ST8SIA1: variants seen among roughly 807,000 people sequenced by gnomAD.
ST8SIA1 encodes alpha-N-acetylneuraminide alpha-2,8-sialyltransferase.
In ST8SIA1, 16 loss-of-function variants were observed where a neutral mutation model predicts 35.9. That is an observed-to-expected ratio of 0.45 (90% confidence interval 0.30 to 0.68). The LOEUF is 0.68. ST8SIA1 is among the 30% of genes least tolerant of loss of function. The pLI, the probability that ST8SIA1 is intolerant of heterozygous loss-of-function variation, is 0.09. For synonymous variants in ST8SIA1, 170 were observed against 169.6 expected (o/e 1.00, Z -0.02); for missense variants, 383 against 453.6 (o/e 0.84, Z 1.41).
rs73270012 is a variant in ST8SIA1, at chr12:22,246,761, G to C, written c.584+2245C>G. Reference sequence around the variant, plus strand: ...TATTAGCAGCTGTGTGCATGAGCAGGTTCCTAGATTCACCACATCACAGGT... The same window carrying C: ...TATTAGCAGCTGTGTGCATGAGCAGCTTCCTAGATTCACCACATCACAGGT... On this transcript the variant is annotated intron_variant, in intron 4 of 4. Transcript: ENST00000396037. 2.3e-3 allele frequency among the ~76,000 whole-genome samples: 343 copies of C among 152,256 alleles called. 1 individual carries two copies. The highest frequency in any genetic ancestry group is 7.3e-3 in the African/African-American group (304 of 41,548).
intron 4 of ST8SIA1, among the ~76,000 whole-genome samples, chr12:22,210,780 A>G (rs191560581): frequency 1.3e-5 from 2 of 152,230 alleles, no homozygotes; most frequent in African/African-American, 4.8e-5. Context: ...CACATATTTT[A>G]GGTTCAGCCT....
At chr12:22,331,126 C>A (rs1364574284) in intron 1 of ST8SIA1, among the ~76,000 whole-genome samples, 2 of 152,128 alleles carry the variant, frequency 1.3e-5, no homozygotes, top group Non-Finnish European at 2.9e-5. Flanking sequence ...AAGAAAATTA[C>A]AAAAGTAAAT....
intron 4 of ST8SIA1, among the ~76,000 whole-genome samples, chr12:22,235,865 C>T (rs1218471308): frequency 2.7e-5 from 4 of 150,378 alleles, no homozygotes; most frequent in African/African-American, 7.3e-5. Context: ...CATGTTGATC[C>T]CAAATGAATG....
chr12:22,293,915 A>G (rs1355193888), intron 1 of ST8SIA1, among the ~76,000 whole-genome samples: 1 of 152,186 alleles, frequency 6.6e-6, no homozygotes, highest in Non-Finnish European at 1.5e-5. Context: ...AAATCAGAGA[A>G]GTTTCTTATT....
At chr12:22,329,035 G>C (rs1866721774) in intron 1 of ST8SIA1, among the ~76,000 whole-genome samples, 1 of 152,202 alleles carries the variant, frequency 6.6e-6, no homozygotes, top group African/African-American at 2.4e-5. Context: ...AGTCATTCCA[G>C]GTGGAGTGGG....
At chr12:22,330,696 A>G (rs2135849355) in intron 1 of ST8SIA1, among the ~76,000 whole-genome samples, 1 of 152,358 alleles carries the variant, frequency 6.6e-6, no homozygotes, top group African/African-American at 2.4e-5. Context: ...ATTAAATGAG[A>G]CAATACATAC....
chr12:22,238,825 T>A (rs1865505689), intron 4 of ST8SIA1, among the ~76,000 whole-genome samples: 1 of 152,230 alleles, frequency 6.6e-6, no homozygotes, highest in African/African-American at 2.4e-5. Flanking sequence ...GTTTAGCAAT[T>A]CATTTGCATC....
chr12:22,258,421 T>C (rs936483591), intron 2 of ST8SIA1, among the ~76,000 whole-genome samples: 1 of 151,428 alleles, frequency 6.6e-6, no homozygotes, highest in Non-Finnish European at 1.5e-5. Context: ...GTCAGGAGAC[T>C]GGATGGTGAA....
chr12:22,195,885 T>C lies in ST8SIA1; in HGVS notation c.*5667A>G, dbSNP rs1223090166. ...TCTTTGCCTTGGATTATATCACATC[T>C]CTTAGATGTTTATTGGTGTTGTGTG... On this transcript the variant is annotated 3_prime_UTR_variant, in exon 5 of 5. Coordinates refer to ENST00000396037, the MANE Select transcript of ST8SIA1 (RefSeq NM_003034.4). The C allele has an allele frequency of 2.6e-5, 4 of 152,234 alleles. No homozygotes were observed. The highest frequency in any genetic ancestry group is 1.9e-4 in the East Asian group (1 of 5,198). 9.4% of individuals were successfully genotyped at this position (152,234 alleles called of 1,614,324 possible). A position where few individuals can be genotyped will look rare whatever the true frequency, so the allele number is the denominator to read the frequency against.
chr12:22,303,049 C>T (rs549099053), intron 1 of ST8SIA1, among the ~76,000 whole-genome samples: 10 of 152,284 alleles, frequency 6.6e-5, no homozygotes, highest in Non-Finnish European at 1.2e-4. Flanking sequence ...CATGGACACA[C>T]GTGCTCAACT....
chr12:22,198,579 C>A lies in ST8SIA1; in HGVS notation c.*2973G>T, dbSNP rs1159907421. 6.9e-6 allele frequency: 1 copy of A among 145,308 alleles called. No homozygotes were observed. Among genetic ancestry groups the A allele is most frequent in the Non-Finnish European group, 1.5e-5 (1 of 65,636 alleles). The allele number at this position is 145,308 out of a possible 1,614,324, so 9.0% of individuals were successfully genotyped here. A position where few individuals can be genotyped will look rare whatever the true frequency, so the allele number is the denominator to read the frequency against. On this transcript the variant is annotated 3_prime_UTR_variant, in exon 5 of 5. Coordinates refer to ENST00000396037, the MANE Select transcript of ST8SIA1 (RefSeq NM_003034.4). Reference sequence around the variant, plus strand: ...CACACACACACACACTCCTATCTAACCAATTATGTCCAAAAGGCATATGTA... The same window carrying A: ...CACACACACACACACTCCTATCTAAACAATTATGTCCAAAAGGCATATGTA...
intron 1 of ST8SIA1, among the ~76,000 whole-genome samples, chr12:22,304,334 C>CTTTTTTTTTTTTT (rs3063802): frequency 4.7e-5 from 5 of 106,240 alleles, no homozygotes; most frequent in Non-Finnish European, 7.5e-5. Flanking sequence ...TTTTCTTTTT[C>CTTTTTTTTTTTTT]TTTTTTTTTT....
At chr12:22,296,400 C>T (rs530733421) in intron 1 of ST8SIA1, among the ~76,000 whole-genome samples, 32 of 152,258 alleles carry the variant, frequency 2.1e-4, no homozygotes, top group Non-Finnish European at 4.0e-4. Flanking sequence ...ACAAAATCTT[C>T]CAGTGGATGC....
intron 3 of ST8SIA1, among the ~76,000 whole-genome samples, chr12:22,250,168 C>A (rs1345597511): frequency 6.6e-6 from 1 of 152,194 alleles, no homozygotes; most frequent in Non-Finnish European, 1.5e-5. Flanking sequence ...TGAATGCTTA[C>A]AATGGGAAAT....
chr12:22,226,062 T>G (rs1179029362), intron 4 of ST8SIA1, among the ~76,000 whole-genome samples: 1 of 152,214 alleles, frequency 6.6e-6, no homozygotes, highest in South Asian at 2.1e-4. Flanking sequence ...TACTGCAAAT[T>G]TCTTATTCTT....
intron 4 of ST8SIA1, among the ~76,000 whole-genome samples, chr12:22,240,332 A>G (rs982705936): frequency 3.9e-5 from 6 of 152,180 alleles, no homozygotes; most frequent in Non-Finnish European, 7.4e-5. Flanking sequence ...CTGCTATATA[A>G]TATTGCCTCT....
intron 4 of ST8SIA1, among the ~76,000 whole-genome samples, chr12:22,240,327 A>G (rs757320877): frequency 6.7e-4 from 102 of 152,322 alleles, no homozygotes; most frequent in Non-Finnish European, 1.1e-3. Context: ...CTTCACTGCT[A>G]TATAATATTG....
chr12:22,254,031 C>T (rs1865701796), intron 3 of ST8SIA1, among the ~76,000 whole-genome samples: 1 of 152,130 alleles, frequency 6.6e-6, no homozygotes, highest in African/African-American at 2.4e-5. Context: ...CTCGTTTATA[C>T]TTAAAAATAA....
chr12:22,327,491 G>A (rs1037701970), intron 1 of ST8SIA1, among the ~76,000 whole-genome samples: 4 of 152,160 alleles, frequency 2.6e-5, no homozygotes, highest in Non-Finnish European at 4.4e-5. Context: ...AATGCCCCAC[G>A]CAGGCAGGCA....
Sources: gnomAD v4.1 joint callset for allele counts (sites outside exome capture counted in the v4.1 genomes callset) on GRCh38, gnomAD v4.1.1 for gene constraint, MANE v1.5 for transcripts, NCBI Gene and HGNC (gene_info 2026-07-23, HGNC 2026-07-21) for gene names.